Variants in DGCR2 observed in about 807,000 individuals in gnomAD.
DGCR2 encodes DiGeorge syndrome critical region gene 2, also known as integral membrane protein DGCR2/IDD.
A neutral mutation model predicts 51.6 loss-of-function variants in DGCR2; 24 were observed. That is an observed-to-expected ratio of 0.47 (90% CI 0.34 to 0.65). The LOEUF (loss-of-function observed/expected upper bound fraction) is 0.65. Among genes scored for constraint, DGCR2 ranks in the 30% least tolerant of loss-of-function variants. DGCR2 has a pLI of 0.01. For synonymous variants in DGCR2, 340 were observed against 315.4 expected (o/e 1.08, Z -0.82); for missense variants, 765 against 772.1 (o/e 0.99, Z 0.11).
intron 2 of DGCR2, among the ~76,000 whole-genome samples, chr22:19,069,432 G>C (rs1182107243): frequency 2.0e-5 from 3 of 152,100 alleles, no homozygotes. Flanking sequence ...TGAAATGCTT[G>C]AAAAATACAA....
At chr22:19,062,774 T>TTTTCTCTCTCTCTC (rs1569052709) in intron 5 of DGCR2, among the ~76,000 whole-genome samples, 2 of 113,872 alleles carry the variant, frequency 1.8e-5, no homozygotes, top group Non-Finnish European at 3.8e-5. Flanking sequence ...CACACATGCA[T>TTTTCTCTCTCTCTC]GCTCACTCTC....
intron 2 of DGCR2, among the ~76,000 whole-genome samples, chr22:19,076,032 C>T (rs1008039990): frequency 6.6e-6 from 1 of 151,866 alleles, no homozygotes; most frequent in African/African-American, 2.4e-5. Context: ...GATCTCAGCT[C>T]ACTGCAACCT....
chr22:19,060,933 C>T (rs778883748), intron 5 of DGCR2: 2 of 492,248 alleles, frequency 4.1e-6, no homozygotes, highest in Non-Finnish European at 8.1e-6. Context: ...GTCTATGTAC[C>T]ATGGTATCAC....
At chr22:19,108,780 G>A (rs1359594710) in intron 1 of DGCR2, among the ~76,000 whole-genome samples, 1 of 151,796 alleles carries the variant, frequency 6.6e-6, no homozygotes, top group East Asian at 1.9e-4. Flanking sequence ...CTCACACTTT[G>A]GGAGGCGGAG....
At chr22:19,118,582 C>T (rs1276974170) in intron 1 of DGCR2, among the ~76,000 whole-genome samples, 2 of 152,094 alleles carry the variant, frequency 1.3e-5, no homozygotes, top group African/African-American at 4.8e-5. Flanking sequence ...AAGTCACTTG[C>T]CTCTCCCAGC....
At chr22:19,042,045 C>A in intron 7 of DGCR2, 86 bp from the exon 8 acceptor site, 1 of 1,487,044 alleles carries the variant, frequency 6.7e-7, no homozygotes, top group Non-Finnish European at 9.0e-7. Flanking sequence ...CCTGCCCAGG[C>A]GGGCTGTGTG....
At chr22:19,119,760 G>A (rs2083411814) in intron 1 of DGCR2, among the ~76,000 whole-genome samples, 1 of 133,648 alleles carries the variant, frequency 7.5e-6, no homozygotes, top group East Asian at 2.2e-4. Context: ...AAAAAAAATT[G>A]GTGAAAGGTC....
chr22:19,084,270 G>A (rs1353017049), intron 2 of DGCR2, among the ~76,000 whole-genome samples: 1 of 151,984 alleles, frequency 6.6e-6, no homozygotes, highest in African/African-American at 2.4e-5. Context: ...CATCTAGGAA[G>A]TGAGGAGTGT....
intron 2 of DGCR2, among the ~76,000 whole-genome samples, chr22:19,082,333 T>C (rs564437075): frequency 5.4e-4 from 82 of 151,148 alleles, no homozygotes; most frequent in African/African-American, 1.8e-3. Context: ...CCCAAAGTGC[T>C]GGGATTCCTG....
At chr22:19,120,799 T>G (rs1295725913) in intron 1 of DGCR2, among the ~76,000 whole-genome samples, 1 of 152,236 alleles carries the variant, frequency 6.6e-6, no homozygotes, top group African/African-American at 2.4e-5. Flanking sequence ...CCATTGGTTC[T>G]GACCTCCAAG....
At chr22:19,104,718 C>T (rs2083243641) in intron 1 of DGCR2, among the ~76,000 whole-genome samples, 1 of 152,180 alleles carries the variant, frequency 6.6e-6, no homozygotes, top group South Asian at 2.1e-4. Context: ...ACAGAAGGTT[C>T]CAGCATCCCT....
intron 9 of DGCR2, among the ~76,000 whole-genome samples, chr22:19,040,829 C>G (rs2082422382): frequency 6.6e-6 from 1 of 152,134 alleles, no homozygotes; most frequent in African/African-American, 2.4e-5. Flanking sequence ...AGGGAGGGGT[C>G]CCAGGCCTTC....
At chr22:19,049,752 C>G (rs1166652143) in intron 6 of DGCR2, among the ~76,000 whole-genome samples, 1 of 151,128 alleles carries the variant, frequency 6.6e-6, no homozygotes, top group Non-Finnish European at 1.5e-5. Context: ...TCTTGAACCC[C>G]AGAGGTGTAG....
intron 2 of DGCR2, among the ~76,000 whole-genome samples, chr22:19,085,287 T>G (rs1250722397): frequency 6.6e-6 from 1 of 151,906 alleles, no homozygotes; most frequent in Non-Finnish European, 1.5e-5. Flanking sequence ...TTGTCAAGAG[T>G]CAGGAAGCTA....
At chr22:19,122,097 G>A in intron 1 of DGCR2, 31 bp downstream of exon 1, 2 of 1,453,652 alleles carry the variant, frequency 1.4e-6, no homozygotes, top group Non-Finnish European at 1.8e-6. Flanking sequence ...TCGCCGCCCA[G>A]CCCCCACACC....
chr22:19,103,153 A>G (rs1450907726), intron 1 of DGCR2, among the ~76,000 whole-genome samples: 1 of 152,212 alleles, frequency 6.6e-6, no homozygotes, highest in Non-Finnish European at 1.5e-5. Flanking sequence ...AAAGGACAAC[A>G]TATTGTATGA....
intron 2 of DGCR2, 103 bp from the exon 3 acceptor site, chr22:19,068,328 G>C (rs1275049745): frequency 2.2e-6 from 3 of 1,343,310 alleles, no homozygotes; most frequent in East Asian, 5.8e-5. Flanking sequence ...CCGGAGGGGG[G>C]GCCTGTAGCA....
At chr22:19,040,992 G>T in intron 9 of DGCR2, 66 bp downstream of exon 9, 1 of 1,395,070 alleles carries the variant, frequency 7.2e-7, no homozygotes, top group Non-Finnish European at 9.9e-7. Context: ...GGGCAAGAGT[G>T]CTGGGCTCAG....
intron 1 of DGCR2, among the ~76,000 whole-genome samples, chr22:19,118,476 T>C (rs2083397172): frequency 6.6e-6 from 1 of 150,698 alleles, no homozygotes; most frequent in South Asian, 2.1e-4. Flanking sequence ...CACAGCTGCC[T>C]ACTGAAAGCA....
Sources: allele counts gnomAD v4.1 joint callset (sites outside exome capture counted in the v4.1 genomes callset), GRCh38; gene constraint gnomAD v4.1.1; transcripts MANE v1.5; gene names NCBI Gene and HGNC (gene_info 2026-07-23, HGNC 2026-07-21).